TXNDC5: variants seen among roughly 807,000 people sequenced by gnomAD.
TXNDC5 encodes the protein thioredoxin domain-containing protein 5.
A neutral mutation model predicts 52.6 loss-of-function variants in TXNDC5; 44 were observed. The observed-to-expected ratio is 0.84, with a 90% CI of 0.66 to 1.08. The LOEUF is 1.08. Ranked by LOEUF, TXNDC5 falls within the 50% of genes least tolerant of loss-of-function variation. The pLI, the probability that TXNDC5 is intolerant of heterozygous loss-of-function variation, is 0.00. For synonymous variants in TXNDC5, 241 were observed against 234.4 expected, an observed-to-expected ratio of 1.03 and a Z score of -0.26; for missense variants, 600 against 565.5, an observed-to-expected ratio of 1.06 and a Z score of -0.62.
In TXNDC5 at chr6:7,907,535, G is replaced by T. The variant is rs1052801394; in HGVS notation, c.264-2812C>A. Among the ~76,000 whole-genome samples, 4 of 152,342 alleles carry T rather than the reference G, an allele frequency of 2.6e-5. No individual in the cohort carries two copies. In the South Asian group the frequency reaches 8.3e-4, roughly 32 times the overall value. On this transcript the variant is annotated intron_variant, in intron 1 of 9. Transcript: ENST00000379757. The stretch of plus-strand genomic sequence containing the variant: ...GATAACCCTGCAGAAGCCAAGTGCA[G>T]GGCAAAAATACACAGATTGATGTTT...
chr6:7,899,746 T>C, intron 2 of TXNDC5, 65 bp from the exon 3 acceptor site: 1 of 1,324,238 alleles, frequency 7.6e-7, no homozygotes, highest in Admixed American at 1.9e-5. Flanking sequence ...AGCAAACTCA[T>C]TTAGTGAAAC....
rs909469735 is a variant in TXNDC5 at position 7,888,778 on chromosome 6, G to A, written c.890C>T (p.Thr297Ile). 6.2e-7 allele frequency: 1 copy of A among 1,614,132 alleles called. No individual in the cohort carries two copies. Among genetic ancestry groups the A allele is most frequent in the South Asian group, 1.1e-5 (1 of 91,070 alleles). The change falls in exon 7 of 10, where the codon ACA becomes ATA. Residue 297 changes from threonine (T) to isoleucine (I), a missense_variant. Transcript: ENST00000379757. ...GACGGTCTCCGTCGCTCCAGTCTCTGTGCGCTGCAGCTGCGACTCCACGTA... is the reference window on the plus strand; with the variant it reads ...GACGGTCTCCGTCGCTCCAGTCTCTATGCGCTGCAGCTGCGACTCCACGTA... Reference protein sequence around the residue: ...REYVESQLQRTETGATETVTP... With the variant: ...REYVESQLQRIETGATETVTP...
intron 5 of TXNDC5, 28 bp from the exon 6 acceptor site, chr6:7,889,609 A>C: frequency 6.3e-7 from 1 of 1,576,910 alleles, no homozygotes; most frequent in Non-Finnish European, 8.7e-7. Flanking sequence ...TCAACTTCCC[A>C]GTCAGTTTCT....
Position 7,910,562 on chromosome 6 carries a change from G to A in TXNDC5, c.215C>T (p.Thr72Met). 2 of 1,453,886 alleles carry A rather than the reference G, an allele frequency of 1.4e-6. No homozygotes were observed. The highest frequency in any genetic ancestry group is 1.8e-6 in the Non-Finnish European group (2 of 1,092,706). The allele number at this position is 1,453,886 out of a possible 1,614,324, so 90.1% of individuals were successfully genotyped here. ...SKHLYTADMF[T>M]HGIQSAAHFV... Reference sequence around the variant, plus strand: ...GTGCGCGGCGCTCTGGATCCCGTGCGTGAACATGTCGGCCGTGTACAGGTG... The same window carrying A: ...GTGCGCGGCGCTCTGGATCCCGTGCATGAACATGTCGGCCGTGTACAGGTG... Residue 72 changes from threonine to methionine, a missense_variant, in exon 1 of 10, where the codon ACG (threonine) becomes ATG (methionine). Physicochemically the swap from Thr to Met is moderately conservative, Grantham distance 81. Coordinates refer to ENST00000379757, the MANE Select transcript of TXNDC5 (RefSeq NM_030810.5).
At chr6:7,910,479 A>C (rs1183957649) in intron 1 of TXNDC5, 35 bp downstream of exon 1, 17 of 1,380,862 alleles carry the variant, frequency 1.2e-5, no homozygotes, top group South Asian at 1.4e-5. Flanking sequence ...CGAAGCGCCA[A>C]GTGCGGGGCA....
At position 7,882,187 on chromosome 6, in the gene TXNDC5, CTA is replaced by C. The variant is rs1470404156; in HGVS notation, c.*955_*956del. Reference sequence around the variant, plus strand: ...CTACTGAGAAACAGAATCAGAAACTCTAGAACTCTAGTTAGGGCCCTTCAGCA... The same window carrying C: ...CTACTGAGAAACAGAATCAGAAACTCGAACTCTAGTTAGGGCCCTTCAGCA... On this transcript the variant is annotated 3_prime_UTR_variant, in exon 10 of 10. Transcript: ENST00000379757. The C allele has an allele frequency of 6.6e-6, 1 of 152,630 alleles. No individual in the cohort carries two copies. 9.5% of individuals were successfully genotyped at this position (152,630 alleles called of 1,614,324 possible).
In TXNDC5 at chr6:7,889,535, C is replaced by T. The variant is rs150804461; in HGVS notation, c.779G>A (p.Arg260His). 1.0e-4 allele frequency: 166 copies of T among 1,613,564 alleles called. No homozygotes were observed. Among genetic ancestry groups the T allele is most frequent in the Non-Finnish European group, 1.3e-4 (156 of 1,179,608 alleles). ...HYELCSGNQV[R>H]GYPTLLWFRD... ...GAACCAGAGAAGAGTGGGATAGCCA[C>T]GAACCTGGTTTCCGGAGCAGAGTTC... is the stretch of plus-strand genomic sequence containing the variant. The change falls in exon 6 of 10, where the codon CGT becomes CAT. Residue 260 changes from arginine to histidine, a missense_variant. Arg to His is a conservative substitution (Grantham distance 29, BLOSUM62 0). Coordinates refer to ENST00000379757, the MANE Select transcript of TXNDC5 (RefSeq NM_030810.5).
rs1165511160 is a variant in TXNDC5, at chr6:7,896,172, G to A, written c.520-970C>T. Among the ~76,000 whole-genome samples, 3 of 152,184 alleles carry A rather than the reference G, an allele frequency of 2.0e-5. No individual in the cohort carries two copies. The East Asian group carries it at 5.8e-4, about 29-fold the overall frequency. On this transcript the variant is annotated intron_variant, in intron 3 of 9. Coordinates refer to ENST00000379757, the MANE Select transcript of TXNDC5 (RefSeq NM_030810.5). Reference sequence around the variant, plus strand: ...GGAGGTGATGAGAAGGAAAATGCAGGTGAATGAAAGGCAACAGAGAGAAAA... The same window carrying A: ...GGAGGTGATGAGAAGGAAAATGCAGATGAATGAAAGGCAACAGAGAGAAAA...
intron 1 of TXNDC5, among the ~76,000 whole-genome samples, chr6:7,906,535 CAAAAAAAAAAAAA>C (rs1207193194): frequency 7.0e-5 from 3 of 42,572 alleles, no homozygotes. Context: ...GACTCCATCT[CAAAAAAAAAAAAA>C]AAAAAAAAAG....
intron 4 of TXNDC5, chr6:7,894,802 A>G: frequency 1.0e-6 from 1 of 985,462 alleles, no homozygotes; most frequent in Non-Finnish European, 1.2e-6. Context: ...TAAAGTAAAG[A>G]GCAATCAAGC....
Position 7,910,571 on chromosome 6 carries a change from T to C in TXNDC5, c.206A>G (p.Asp69Gly). Residue 69 changes from aspartate (D) to glycine (G), a missense_variant, in exon 1 of 10, where the codon GAC (aspartate) becomes GGC (glycine). Physicochemically the swap from Asp to Gly is moderately conservative, Grantham distance 94. Coordinates refer to ENST00000379757, the MANE Select transcript of TXNDC5 (RefSeq NM_030810.5). ...DPHSKHLYTA[D>G]MFTHGIQSAA... is the part of the protein sequence containing the mutation. ...GCTCTGGATCCCGTGCGTGAACATG[T>C]CGGCCGTGTACAGGTGCTTGCTGTG... 1 of 1,444,954 alleles carries C rather than the reference T, an allele frequency of 6.9e-7. No homozygotes were observed. The highest frequency in any genetic ancestry group is 9.2e-7 in the Non-Finnish European group (1 of 1,087,540). The allele number at this position is 1,444,954 out of a possible 1,614,324, so 89.5% of individuals were successfully genotyped here.
intron 2 of TXNDC5, among the ~76,000 whole-genome samples, chr6:7,904,199 T>G (rs931275471): frequency 6.6e-6 from 1 of 152,218 alleles, no homozygotes; most frequent in African/African-American, 2.4e-5. Flanking sequence ...GGAACAGCCC[T>G]GTGGGAGTCA....
At chr6:7,903,155 CAA>C (rs1760622765) in intron 2 of TXNDC5, among the ~76,000 whole-genome samples, 1 of 152,222 alleles carries the variant, frequency 6.6e-6, no homozygotes, top group South Asian at 2.1e-4. Context: ...AACAGTTTCT[CAA>C]CAGGTAAGCA....
chr6:7,888,689 T>A lies in TXNDC5; in HGVS notation c.963+16A>T, dbSNP rs1382286188. ...ACGGGCCACTTATGGGGATCCCGAC[T>A]CCAGCAGGCACCCACCTTGTCAGCC... On this transcript the variant is annotated intron_variant, in intron 7 of 9. Coordinates refer to ENST00000379757, the MANE Select transcript of TXNDC5 (RefSeq NM_030810.5). The A allele has an allele frequency of 6.2e-7, 1 of 1,602,372 alleles. No individual in the cohort carries two copies. Among genetic ancestry groups the A allele is most frequent in the Non-Finnish European group, 8.5e-7 (1 of 1,176,190 alleles).
intron 6 of TXNDC5, chr6:7,889,217 A>C (rs1455837145): frequency 2.1e-6 from 1 of 465,806 alleles, no homozygotes; most frequent in Non-Finnish European, 3.8e-6. Context: ...CAAAGGCCTG[A>C]AGGTTTGTGT....
At position 7,907,109 on chromosome 6, in the gene TXNDC5, T is replaced by C. The variant is rs1397673813; in HGVS notation, c.264-2386A>G. Among the ~76,000 whole-genome samples, 4 of 152,108 alleles carry C rather than the reference T, an allele frequency of 2.6e-5. No homozygotes were observed. The East Asian group carries it at 7.7e-4, about 29-fold the overall frequency. ...GATCAGATATGCTCATTCTGGAACT[T>C]TAGAACTCCTCTGCAATCTTGACAA... On this transcript the variant is annotated intron_variant, in intron 1 of 9. Coordinates refer to ENST00000379757, the MANE Select transcript of TXNDC5 (RefSeq NM_030810.5).
At chr6:7,907,525 G>T (rs546422142) in intron 1 of TXNDC5, among the ~76,000 whole-genome samples, 2 of 152,370 alleles carry the variant, frequency 1.3e-5, no homozygotes, top group Non-Finnish European at 2.9e-5. Flanking sequence ...CCCTGCAGAA[G>T]CCAAGTGCAG....
chr6:7,904,143 GAAGT>G (rs1208037210), intron 2 of TXNDC5, among the ~76,000 whole-genome samples: 1 of 152,158 alleles, frequency 6.6e-6, no homozygotes, highest in Non-Finnish European at 1.5e-5. Context: ...AACTGTCAAG[GAAGT>G]AAGTATCATC....
At chr6:7,899,954 C>G in intron 2 of TXNDC5, 1 of 292,960 alleles carries the variant, frequency 3.4e-6, no homozygotes, top group South Asian at 4.4e-5. Context: ...GCCTCAAAAG[C>G]TACAGTACTC....
Sources: gnomAD v4.1 joint callset for allele counts (sites outside exome capture counted in the v4.1 genomes callset) on GRCh38, gnomAD v4.1.1 for gene constraint, MANE v1.5 for transcripts, NCBI Gene and HGNC (gene_info 2026-07-23, HGNC 2026-07-21) for gene names.